TG: variants seen among roughly 807,000 people sequenced by gnomAD.
The protein encoded by TG is thyroglobulin.
A neutral mutation model predicts 324.7 loss-of-function variants in TG; 270 were observed. The observed-to-expected ratio is 0.83, with a 90% CI of 0.75 to 0.92. The LOEUF is 0.92. Among genes scored for constraint, TG ranks in the 40% least tolerant of loss-of-function variants. The pLI is 0.00. For missense variants in TG, 3,591 were observed against 3,456.4 expected (o/e 1.04, Z -0.98); for synonymous variants, 1,401 against 1,327.0 (o/e 1.06, Z -1.21).
At chr8:133,047,006 AGTT>A (rs1839546898) in intron 41 of TG, 1 of 152,196 alleles carries the variant, frequency 6.6e-6, no homozygotes, top group African/African-American at 2.4e-5. Context: ...ATTTTAAAAA[AGTT>A]ATTATTATTA....
intron 35 of TG, among the ~76,000 whole-genome samples, chr8:132,992,657 C>A (rs1440033765): frequency 6.6e-6 from 1 of 152,154 alleles, no homozygotes. Context: ...TGGAAGGGCT[C>A]TACCCCAGTG....
rs773985400 is a variant in TG, at chr8:133,060,136, G to T, written c.7239+30113G>T. ...GGCAGGGGCCTCTCGGCAGGCGCAG[G>T]GGTGGATTTCATGCTGTTTCCCATT... On this transcript the variant is annotated intron_variant, in intron 41 of 47. Coordinates refer to ENST00000220616, the MANE Select transcript of TG (RefSeq NM_003235.5). The T allele has an allele frequency of 6.5e-5, 104 of 1,611,574 alleles. No individual in the cohort carries two copies. Among genetic ancestry groups the T allele is most frequent in the Admixed American group, 5.2e-4 (31 of 59,176 alleles).
At chr8:132,901,632 G>A (rs1817947308) in intron 16 of TG, 79 bp downstream of exon 16, 2 of 1,490,960 alleles carry the variant, frequency 1.3e-6, no homozygotes, top group African/African-American at 1.4e-5. Flanking sequence ...TACTAGAGAA[G>A]CTGGGAAGGC....
chr8:133,016,898 G>A (rs563239921), intron 37 of TG, among the ~76,000 whole-genome samples: 1 of 152,358 alleles, frequency 6.6e-6, no homozygotes, highest in African/African-American at 2.4e-5. Context: ...CGTCGCTGGC[G>A]ATTAGTGTTG....
chr8:133,049,729 G>A, intron 41 of TG: 1 of 611,698 alleles, frequency 1.6e-6, no homozygotes, highest in South Asian at 1.9e-5. Flanking sequence ...GAGCAGAAGA[G>A]ATAAGTTAGC....
intron 44 of TG, 117 bp from the exon 45 acceptor site, chr8:133,116,492 C>T (rs1224064409): frequency 2.5e-6 from 2 of 812,858 alleles, no homozygotes; most frequent in Non-Finnish European, 4.3e-6. Flanking sequence ...TTCTTGTAGG[C>T]CTGGCAGGGG....
chr8:133,108,508 G>A (rs1850012638), intron 43 of TG, among the ~76,000 whole-genome samples: 1 of 152,166 alleles, frequency 6.6e-6, no homozygotes, highest in Admixed American at 6.5e-5. Flanking sequence ...CTAACTTCAT[G>A]ACAGTTTTAT....
At chr8:132,880,243 A>G (rs550701687) in intron 5 of TG, among the ~76,000 whole-genome samples, 1 of 152,328 alleles carries the variant, frequency 6.6e-6, no homozygotes, top group Non-Finnish European at 1.5e-5. Context: ...AGTGGCCCAT[A>G]TACCTCACCT....
chr8:133,055,381 A>G (rs71512334), intron 41 of TG, among the ~76,000 whole-genome samples: 7 of 132,994 alleles, frequency 5.3e-5, no homozygotes, highest in African/African-American at 2.1e-4. Context: ...ACACACACAC[A>G]CACACACACA....
At chr8:133,009,271 T>G (rs1834285561) in intron 35 of TG, among the ~76,000 whole-genome samples, 1 of 152,188 alleles carries the variant, frequency 6.6e-6, no homozygotes, top group South Asian at 2.1e-4. Context: ...CAGCTCAGTT[T>G]GGTCATGTTG....
chr8:132,916,900 C>T (rs1027694412), intron 20 of TG, among the ~76,000 whole-genome samples: 17 of 122,752 alleles, frequency 1.4e-4, no homozygotes, highest in Admixed American at 4.6e-4. Context: ...GAGCTGGTTC[C>T]CTATGGATTT....
intron 3 of TG, among the ~76,000 whole-genome samples, chr8:132,870,753 A>C (rs1347075416): frequency 6.6e-6 from 1 of 152,016 alleles, no homozygotes; most frequent in African/African-American, 2.4e-5. Context: ...ATCTGTGCAG[A>C]GATCATGTGA....
In TG at chr8:132,869,551, A is replaced by C. The variant is rs566850586; in HGVS notation, c.177-178A>C. The stretch of plus-strand genomic sequence containing the variant: ...GCAGAGCAGGTGCTAGCCAGGCAGG[A>C]AAAGTGGGGCCTTTCCTTTCCCAGG... On this transcript the variant is annotated intron_variant, in intron 2 of 47. Coordinates refer to ENST00000220616, the MANE Select transcript of TG (RefSeq NM_003235.5). Among the ~76,000 whole-genome samples the C allele has an allele frequency of 1.3e-3, 201 of 152,322 alleles. 1 individual carries two copies. The highest frequency in any genetic ancestry group is 2.5e-3 in the Non-Finnish European group (168 of 68,034).
intron 41 of TG, among the ~76,000 whole-genome samples, chr8:133,045,755 TG>T (rs1407536534): frequency 1.3e-5 from 2 of 152,102 alleles, no homozygotes; most frequent in African/African-American, 2.4e-5. Context: ...TGAGGCCAAA[TG>T]GAATGATTGT....
chr8:132,885,270 T>C (rs966483452), intron 8 of TG, among the ~76,000 whole-genome samples: 2 of 152,136 alleles, frequency 1.3e-5, no homozygotes, highest in African/African-American at 2.4e-5. Context: ...GTGGCTACAG[T>C]CAGCCTAGGA....
rs777254301 is a variant in TG at position 132,886,530 on chromosome 8, C to T, written c.1158C>T (p.His386=). The T allele has an allele frequency of 2.6e-5, 42 of 1,614,084 alleles. No homozygotes were observed. Among genetic ancestry groups the T allele is most frequent in the African/African-American group, 4.0e-5 (3 of 74,932 alleles). The change falls in exon 9 of 48, where the codon CAC becomes CAT. Residue 386 remains histidine (H), a synonymous_variant. Transcript: ENST00000220616. Reference sequence around the variant, plus strand: ...GGACCTCAGGCTACTTCAGCCAGCACGACCTGTTCTCTTCCCCAGAGAAAA... The same window carrying T: ...GGACCTCAGGCTACTTCAGCCAGCATGACCTGTTCTCTTCCCCAGAGAAAA... ...YFGTSGYFSQ[H]DLFSSPEKRW...
At chr8:132,898,062 G>C in intron 12 of TG, 107 bp from the exon 13 acceptor site, 1 of 1,159,664 alleles carries the variant, frequency 8.6e-7, no homozygotes, top group Non-Finnish European at 1.3e-6. Context: ...GACAGAAGGC[G>C]ACCAGGCTTG....
chr8:132,975,563 G>T (rs1830077888), intron 34 of TG, among the ~76,000 whole-genome samples: 1 of 152,194 alleles, frequency 6.6e-6, no homozygotes, highest in Admixed American at 6.5e-5. Flanking sequence ...TCACAGAGGG[G>T]TTCTTATTCA....
chr8:132,898,284 T>C (rs1460965619), intron 13 of TG, 38 bp downstream of exon 13: 4 of 1,548,244 alleles, frequency 2.6e-6, no homozygotes, highest in Non-Finnish European at 2.6e-6. Flanking sequence ...CTGACCCCCC[T>C]TGGTGGGCAT....
Sources: gnomAD v4.1 joint callset for allele counts (sites outside exome capture counted in the v4.1 genomes callset) on GRCh38, gnomAD v4.1.1 for gene constraint, MANE v1.5 for transcripts, NCBI Gene and HGNC (gene_info 2026-07-23, HGNC 2026-07-21) for gene names.